NBAS: variants seen among roughly 807,000 people sequenced by gnomAD.
NBAS encodes the protein NAG/BC035112 fusion.
In NBAS, 219 loss-of-function variants were observed where a neutral mutation model predicts 302.5. That is an observed-to-expected ratio of 0.72 (90% confidence interval 0.65 to 0.81). The LOEUF is 0.81. Ranked by LOEUF, NBAS falls within the 30% of genes least tolerant of loss-of-function variation. The probability of loss-of-function intolerance (pLI) is 0.00; values close to 1 mark genes in which losing one functional copy is unlikely to be tolerated. For synonymous variants in NBAS, 1,118 were observed against 1,021.6 expected, an observed-to-expected ratio of 1.09 and a Z score of -1.80; for missense variants, 2,932 against 2,841.6, an observed-to-expected ratio of 1.03 and a Z score of -0.72.
chr2:15,507,748 T>C, intron 10 of NBAS, among the ~76,000 whole-genome samples: 1 of 152,196 alleles, frequency 6.6e-6, no homozygotes. Flanking sequence ...AGCGAATCCC[T>C]TGAGGGCTGC....
the NBAS span, among the ~76,000 whole-genome samples, chr2:14,780,174 A>G: frequency 6.6e-6 from 1 of 152,224 alleles, no homozygotes; most frequent in Non-Finnish European, 1.5e-5. Context: ...AAATGGGGAT[A>G]ATAGTAGCTT....
rs577619505 is a variant in NBAS, at chr2:15,548,433, G to A, written c.379+3060C>T. ...GAGGCAGGTGGATCACCTGAGGTCA[G>A]GAGTTCAAGACCAGCCTGGCCAACA... On this transcript the variant is annotated intron_variant, in intron 6 of 51. Coordinates refer to ENST00000281513, the MANE Select transcript of NBAS (RefSeq NM_015909.4). 5.9e-5 allele frequency among the ~76,000 whole-genome samples: 9 copies of A among 152,272 alleles called. No individual in the cohort carries two copies. The South Asian group carries it at 1.7e-3, about 28-fold the overall frequency.
At chr2:15,166,261 T>C (rs1466123853), downstream of NBAS, among the ~76,000 whole-genome samples, 4 of 152,208 alleles carry the variant, frequency 2.6e-5, no homozygotes, top group Non-Finnish European at 5.9e-5. Flanking sequence ...CAATCCCACC[T>C]GTGATAAGTG....
chr2:14,992,061 C>T, the NBAS span, among the ~76,000 whole-genome samples: 1 of 152,098 alleles, frequency 6.6e-6, no homozygotes, highest in Non-Finnish European at 1.5e-5. Flanking sequence ...GAACAGAGCT[C>T]AGTGTGGGCA....
rs73915095 is a variant in NBAS, at chr2:15,282,787, T to A, written c.5138+4286A>T. ...CCGAGTCTGGCAGTATAAAGACATG[T>A]CCTGTCCTCCATTTAGTTCTCCTTT... On this transcript the variant is annotated intron_variant, in intron 42 of 51. Transcript: ENST00000281513. 7.9e-3 allele frequency among the ~76,000 whole-genome samples: 1,199 copies of A among 152,262 alleles called. 21 individuals are homozygous for A. Among genetic ancestry groups the A allele is most frequent in the African/African-American group, 0.028 (1,143 of 41,542 alleles).
At chr2:14,972,058 A>C in the NBAS span, among the ~76,000 whole-genome samples, 4 of 152,188 alleles carry the variant, frequency 2.6e-5, no homozygotes, top group Non-Finnish European at 5.9e-5. Flanking sequence ...CAGAGAAAAA[A>C]AAAATGTCAA....
At chr2:14,956,034 T>A in the NBAS span, among the ~76,000 whole-genome samples, 1 of 152,200 alleles carries the variant, frequency 6.6e-6, no homozygotes. Flanking sequence ...ATGGTCTGCT[T>A]CCTCTTGAAT....
the NBAS span, among the ~76,000 whole-genome samples, chr2:15,047,456 G>C: frequency 3.9e-5 from 6 of 152,164 alleles, no homozygotes; most frequent in Non-Finnish European, 8.8e-5. Context: ...AGTAAAGGCT[G>C]GGCCCATGCA....
chr2:15,471,459 CA>C (rs915276760), intron 16 of NBAS, among the ~76,000 whole-genome samples: 3 of 152,134 alleles, frequency 2.0e-5, no homozygotes, highest in Non-Finnish European at 4.4e-5. Context: ...AAATAATCAT[CA>C]TGAAATTTTC....
At chr2:14,792,769 C>A in the NBAS span, among the ~76,000 whole-genome samples, 1 of 151,728 alleles carries the variant, frequency 6.6e-6, no homozygotes, top group Non-Finnish European at 1.5e-5. Flanking sequence ...ATACTAAAAA[C>A]CAAGAAAATC....
At chr2:15,431,603 G>A (rs1677768379) in intron 21 of NBAS, among the ~76,000 whole-genome samples, 1 of 152,020 alleles carries the variant, frequency 6.6e-6, no homozygotes, top group Non-Finnish European at 1.5e-5. Context: ...ATTTTAAAAT[G>A]ATCTCATGGA....
At chr2:15,070,703 C>T in the NBAS span, among the ~76,000 whole-genome samples, 1 of 152,120 alleles carries the variant, frequency 6.6e-6, no homozygotes, top group Non-Finnish European at 1.5e-5. Flanking sequence ...CCAGGGTGTG[C>T]ACTTGTCCTC....
the NBAS span, among the ~76,000 whole-genome samples, chr2:15,139,302 T>A: frequency 6.6e-6 from 1 of 152,134 alleles, no homozygotes; most frequent in Admixed American, 6.5e-5. Context: ...CTTAGAGAAA[T>A]CATGGGGAAT....
chr2:15,524,001 T>C (rs573719097), intron 9 of NBAS, among the ~76,000 whole-genome samples: 1 of 152,296 alleles, frequency 6.6e-6, no homozygotes, highest in East Asian at 1.9e-4. Context: ...AGGTAGGAAA[T>C]ATATCTCAAA....
At position 15,281,070 on chromosome 2, in the gene NBAS, G is replaced by A. The variant is rs1256248126; in HGVS notation, c.5139-3969C>T. Among the ~76,000 whole-genome samples, 3 of 152,214 alleles carry A rather than the reference G, an allele frequency of 2.0e-5. No individual in the cohort carries two copies. The East Asian group carries it at 5.8e-4, about 29-fold the overall frequency. ...ACTTTTCAAGAACACCCAGGGAGTTGATGAGAGAATCAATAAAGAGTGTCT... is the reference window on the plus strand; with the variant it reads ...ACTTTTCAAGAACACCCAGGGAGTTAATGAGAGAATCAATAAAGAGTGTCT... On this transcript the variant is annotated intron_variant, in intron 42 of 51. Coordinates refer to ENST00000281513, the MANE Select transcript of NBAS (RefSeq NM_015909.4).
chr2:15,533,679 CGTGTGTGTGTGT>C (rs59222907), intron 9 of NBAS, among the ~76,000 whole-genome samples: 3,210 of 144,012 alleles, frequency 0.022, 125 homozygotes, highest in African/African-American at 0.078. Flanking sequence ...GGGGGGTGTG[CGTGTGTGTGTGT>C]GTGTGTGTGT....
the NBAS span, among the ~76,000 whole-genome samples, chr2:15,029,919 C>T: frequency 2.6e-5 from 4 of 152,142 alleles, no homozygotes; most frequent in African/African-American, 4.8e-5. Context: ...CACAGACTCT[C>T]GAATCTAATA....
the NBAS span, among the ~76,000 whole-genome samples, chr2:15,004,389 T>A: frequency 6.4e-3 from 978 of 152,358 alleles, 12 homozygotes; most frequent in South Asian, 0.02. Context: ...ATTTTTATCA[T>A]TACATTTTCC....
the NBAS span, among the ~76,000 whole-genome samples, chr2:15,044,104 G>C: frequency 6.6e-6 from 1 of 151,170 alleles, no homozygotes; most frequent in Non-Finnish European, 1.5e-5. Flanking sequence ...TAAAGGGTTA[G>C]GCTGAACAGA....
Sources: gnomAD v4.1 joint callset for allele counts (sites outside exome capture counted in the v4.1 genomes callset) on GRCh38, gnomAD v4.1.1 for gene constraint, MANE v1.5 for transcripts, NCBI Gene and HGNC (gene_info 2026-07-23, HGNC 2026-07-21) for gene names.